Variants in HSD17B4 observed in about 807,000 individuals in gnomAD.
HSD17B4 encodes the protein hydroxysteroid 17-beta dehydrogenase 4, also known as peroxisomal multifunctional enzyme type 2.
Under a neutral mutation model 101.0 loss-of-function variants are expected in HSD17B4, and 70 were observed. That is an observed-to-expected ratio of 0.69 (90% CI 0.57 to 0.85). The LOEUF (loss-of-function observed/expected upper bound fraction) is 0.85. Ranked by LOEUF, HSD17B4 falls within the 40% of genes least tolerant of loss-of-function variation. HSD17B4 has a pLI of 0.00. For synonymous variants in HSD17B4, 347 were observed against 297.1 expected (o/e 1.17, Z -1.73); for missense variants, 984 against 892.4 (o/e 1.10, Z -1.31).
intron 13 of HSD17B4, among the ~76,000 whole-genome samples, chr5:119,499,892 C>A (rs1751003747): frequency 6.6e-6 from 1 of 152,096 alleles, no homozygotes; most frequent in African/African-American, 2.4e-5. Flanking sequence ...TATGATAATC[C>A]TCACCTCATG....
intron 7 of HSD17B4, 60 bp downstream of exon 7, chr5:119,477,561 T>A: frequency 9.3e-7 from 1 of 1,073,446 alleles, no homozygotes; most frequent in Non-Finnish European, 1.5e-6. Context: ...GGTTCTTGTG[T>A]ACAGGGAAAG....
intron 1 of HSD17B4, among the ~76,000 whole-genome samples, chr5:119,453,254 G>A (rs1037637464): frequency 6.6e-6 from 1 of 152,196 alleles, no homozygotes; most frequent in African/African-American, 2.4e-5. Context: ...GCTCAAATGC[G>A]CACAGGGGTC....
In HSD17B4 at chr5:119,477,715, A is replaced by C. The variant is rs941402517; in HGVS notation, c.434+214A>C. On this transcript the variant is annotated intron_variant, in intron 7 of 23. Coordinates refer to ENST00000510025, the MANE Select transcript of HSD17B4 (RefSeq NM_000414.4). ...CTGGAAAGCTTTATATTTATTTTTT[A>C]CCTCTTTTTGTTATTAAAGATTTTC... 21 of 530,762 alleles carry C rather than the reference A, an allele frequency of 4.0e-5. No individual in the cohort carries two copies. In the African/African-American group the frequency reaches 4.0e-4, roughly 10 times the overall value. 32.9% of individuals were successfully genotyped at this position (530,762 alleles called of 1,614,324 possible).
At chr5:119,489,850 G>T (rs1749938822) in intron 9 of HSD17B4, among the ~76,000 whole-genome samples, 1 of 151,880 alleles carries the variant, frequency 6.6e-6, no homozygotes, top group Non-Finnish European at 1.5e-5. Context: ...TTATTGCAGA[G>T]CTTTAAATGT....
chr5:119,481,929 C>T (rs1749177617), intron 8 of HSD17B4, among the ~76,000 whole-genome samples: 1 of 152,030 alleles, frequency 6.6e-6, no homozygotes, highest in Non-Finnish European at 1.5e-5. Flanking sequence ...CCCCCTCTGT[C>T]TTCTTCCAAG....
At chr5:119,458,470 T>G (rs1754895591) in intron 2 of HSD17B4, among the ~76,000 whole-genome samples, 1 of 151,440 alleles carries the variant, frequency 6.6e-6, no homozygotes, top group Non-Finnish European at 1.5e-5. Flanking sequence ...GCCTCCCAAG[T>G]AGCTGGGATT....
At chr5:119,510,159 A>G (rs1480331040) in intron 16 of HSD17B4, among the ~76,000 whole-genome samples, 1 of 152,192 alleles carries the variant, frequency 6.6e-6, no homozygotes, top group African/African-American at 2.4e-5. Flanking sequence ...TCTCTGTACA[A>G]CATATTTTAT....
chr5:119,509,807 C>T (rs1258624662), intron 16 of HSD17B4, among the ~76,000 whole-genome samples: 7 of 152,180 alleles, frequency 4.6e-5, no homozygotes, highest in Non-Finnish European at 4.4e-5. Flanking sequence ...GTGCTGATTT[C>T]AGATGAGGTG....
intron 7 of HSD17B4, among the ~76,000 whole-genome samples, chr5:119,478,383 T>A (rs772268989): frequency 6.6e-6 from 1 of 152,180 alleles, no homozygotes; most frequent in African/African-American, 2.4e-5. Context: ...TGAAAATAAA[T>A]AATATGATTT....
At chr5:119,527,323 A>G in intron 20 of HSD17B4, 104 bp downstream of exon 20, 1 of 677,234 alleles carries the variant, frequency 1.5e-6, no homozygotes, top group South Asian at 1.7e-5. Flanking sequence ...TTTTTAAGTA[A>G]TGGTAAATTT....
At chr5:119,480,261 AT>A (rs1262086654) in intron 8 of HSD17B4, among the ~76,000 whole-genome samples, 8 of 151,464 alleles carry the variant, frequency 5.3e-5, no homozygotes, top group South Asian at 2.1e-4. Flanking sequence ...TGTTTTAGAA[AT>A]TTTTTTTTCA....
chr5:119,518,756 C>G (rs889616439), intron 17 of HSD17B4, among the ~76,000 whole-genome samples: 1 of 152,112 alleles, frequency 6.6e-6, no homozygotes, highest in Non-Finnish European at 1.5e-5. Flanking sequence ...ATTAAGAAAA[C>G]TGGCAATATA....
chr5:119,452,630 G>T lies in HSD17B4; in HGVS notation c.55G>T (p.Ala19Ser), dbSNP rs1304273072. The T allele has an allele frequency of 6.2e-7, 1 of 1,613,762 alleles. No homozygotes were observed. Among genetic ancestry groups the T allele is most frequent in the East Asian group, 2.2e-5 (1 of 44,870 alleles). The change falls in exon 1 of 24, where the codon GCA becomes TCA. Residue 19 changes from alanine to serine, a missense_variant. Coordinates refer to ENST00000510025, the MANE Select transcript of HSD17B4 (RefSeq NM_000414.4). ...GGTGGTACTGGTCACCGGCGCGGGGGCAGGTGAGCATGCGAAGGTTGGAGG... is the reference window on the plus strand; with the variant it reads ...GGTGGTACTGGTCACCGGCGCGGGGTCAGGTGAGCATGCGAAGGTTGGAGG... ...GRVVLVTGAG[A>S]GLGRAYALAF...
At chr5:119,504,319 A>G (rs1192315675) in intron 14 of HSD17B4, among the ~76,000 whole-genome samples, 2 of 152,178 alleles carry the variant, frequency 1.3e-5, no homozygotes, top group African/African-American at 4.8e-5. Context: ...GCTGGGTCAA[A>G]TGGTAGTTCT....
intron 21 of HSD17B4, among the ~76,000 whole-genome samples, chr5:119,530,856 A>AC (rs1754019738): frequency 6.8e-6 from 1 of 146,792 alleles, no homozygotes; most frequent in South Asian, 2.2e-4. Context: ...AAAAAAAAAA[A>AC]AAAAAAACAA....
chr5:119,476,218 C>G (rs1221234699), intron 6 of HSD17B4, among the ~76,000 whole-genome samples: 1 of 152,024 alleles, frequency 6.6e-6, no homozygotes, highest in Non-Finnish European at 1.5e-5. Flanking sequence ...CTGTGTGAAT[C>G]TTTTTCAAGA....
chr5:119,511,711 A>C (rs1272793731), intron 16 of HSD17B4, among the ~76,000 whole-genome samples: 1 of 152,214 alleles, frequency 6.6e-6, no homozygotes, highest in Non-Finnish European at 1.5e-5. Context: ...CACTATTGGG[A>C]GAATAGACTC....
At chr5:119,508,230 C>CAAA (rs11418368) in intron 15 of HSD17B4, among the ~76,000 whole-genome samples, 1 of 146,756 alleles carries the variant, frequency 6.8e-6, no homozygotes, top group Non-Finnish European at 1.5e-5. Context: ...TGTAACATAC[C>CAAA]AAAAAAAAAA....
chr5:119,462,938 A>C lies in HSD17B4; in HGVS notation c.112+6570A>C, dbSNP rs987512507. 3.9e-5 allele frequency among the ~76,000 whole-genome samples: 6 copies of C among 152,254 alleles called. 1 individual carries two copies. The highest frequency in any genetic ancestry group is 3.9e-4 in the Admixed American group (6 of 15,302). On this transcript the variant is annotated intron_variant, in intron 2 of 23. Coordinates refer to ENST00000510025, the MANE Select transcript of HSD17B4 (RefSeq NM_000414.4). ...TAATCACCCTAGAGTACTATACACC[A>C]CTAGAACTTATTCCTTCTATTTAGT...
Sources: allele counts gnomAD v4.1 joint callset (sites outside exome capture counted in the v4.1 genomes callset), GRCh38; gene constraint gnomAD v4.1.1; transcripts MANE v1.5; gene names NCBI Gene and HGNC (gene_info 2026-07-23, HGNC 2026-07-21).